The following WNT3 variants were observed in gnomAD, a reference collection of about 807,000 sequenced individuals.
WNT3 encodes proto-oncogene Wnt-3.
Under a neutral mutation model 34.2 loss-of-function variants are expected in WNT3, and 7 were observed. The observed-to-expected ratio is 0.20, with a 90% CI of 0.12 to 0.38. The LOEUF (loss-of-function observed/expected upper bound fraction) is 0.38, where lower values mean the gene tolerates loss of function less well. Ranked by LOEUF, WNT3 falls within the 10% of genes least tolerant of loss-of-function variation. WNT3 has a pLI of 1.00. For synonymous variants in WNT3, 212 were observed against 211.5 expected, an observed-to-expected ratio of 1.00 and a Z score of -0.02; for missense variants, 267 against 499.8, an observed-to-expected ratio of 0.53 and a Z score of 4.44.
intron 1 of WNT3, among the ~76,000 whole-genome samples, chr17:46,812,529 CT>C (rs1007071301): frequency 6.6e-6 from 1 of 152,218 alleles, no homozygotes; most frequent in Non-Finnish European, 1.5e-5. Context: ...GCCCAGCCCC[CT>C]GGCTCTAGGT....
At chr17:46,772,934 G>T (rs1431104690) in intron 2 of WNT3, among the ~76,000 whole-genome samples, 1 of 152,160 alleles carries the variant, frequency 6.6e-6, no homozygotes, top group African/African-American at 2.4e-5. Context: ...GGCCAGGATC[G>T]TTAAATTCCT....
At chr17:46,807,348 G>T (rs1332866545) in intron 1 of WNT3, among the ~76,000 whole-genome samples, 1 of 152,200 alleles carries the variant, frequency 6.6e-6, no homozygotes, top group South Asian at 2.1e-4. Context: ...TGGGTGTGGT[G>T]GCGCATGCCT....
chr17:46,804,232 T>G (rs977081708), intron 1 of WNT3, among the ~76,000 whole-genome samples: 1 of 151,784 alleles, frequency 6.6e-6, no homozygotes, highest in African/African-American at 2.4e-5. Flanking sequence ...GGACTACAGG[T>G]GCGTGCCACC....
At chr17:46,780,054 G>T (rs1338605615) in intron 1 of WNT3, among the ~76,000 whole-genome samples, 2 of 152,182 alleles carry the variant, frequency 1.3e-5, no homozygotes, top group Non-Finnish European at 2.9e-5. Flanking sequence ...ACCATGCCTG[G>T]CCATAGAGAA....
At chr17:46,787,365 G>A (rs916455250) in intron 1 of WNT3, among the ~76,000 whole-genome samples, 2 of 152,184 alleles carry the variant, frequency 1.3e-5, no homozygotes, top group African/African-American at 2.4e-5. Flanking sequence ...AAATGGCCAC[G>A]CATGTTAGTG....
chr17:46,817,033 G>T (rs114725921), intron 1 of WNT3, among the ~76,000 whole-genome samples: 2 of 152,188 alleles, frequency 1.3e-5, no homozygotes, highest in African/African-American at 4.8e-5. Flanking sequence ...AAAAGTGTGG[G>T]TTGGGCAGAA....
intron 1 of WNT3, among the ~76,000 whole-genome samples, chr17:46,774,657 C>A (rs2059400358): frequency 6.6e-6 from 1 of 152,262 alleles, no homozygotes; most frequent in Non-Finnish European, 1.5e-5. Context: ...TCAATTCACT[C>A]CATTCCTCTG....
At chr17:46,786,648 G>C (rs1303133135) in intron 1 of WNT3, among the ~76,000 whole-genome samples, 1 of 152,222 alleles carries the variant, frequency 6.6e-6, no homozygotes, top group African/African-American at 2.4e-5. Context: ...GATGCCCTGT[G>C]CGTGCTCAGG....
At chr17:46,769,366 T>G (rs916051127) in intron 3 of WNT3, among the ~76,000 whole-genome samples, 23 of 151,282 alleles carry the variant, frequency 1.5e-4, no homozygotes, top group Admixed American at 1.4e-3. Flanking sequence ...AGGAGTTATC[T>G]CCATTTAACA....
intron 1 of WNT3, among the ~76,000 whole-genome samples, chr17:46,800,159 G>A (rs1449206510): frequency 6.6e-6 from 1 of 152,202 alleles, no homozygotes; most frequent in East Asian, 1.9e-4. Flanking sequence ...CACCCAGGCT[G>A]GAGTGCAGTG....
chr17:46,788,663 GT>G (rs961757767), intron 1 of WNT3, among the ~76,000 whole-genome samples: 8 of 152,210 alleles, frequency 5.3e-5, no homozygotes, highest in Non-Finnish European at 7.3e-5. Context: ...TTGATGGTGA[GT>G]TTTTTGAGAG....
At chr17:46,797,564 A>G (rs1473631590) in intron 1 of WNT3, among the ~76,000 whole-genome samples, 2 of 152,242 alleles carry the variant, frequency 1.3e-5, no homozygotes, top group Admixed American at 1.3e-4. Flanking sequence ...AGATGGGCAC[A>G]ACCTCTTTGG....
intron 1 of WNT3, among the ~76,000 whole-genome samples, chr17:46,800,407 G>A (rs116216024): frequency 0.011 from 1,619 of 152,270 alleles, 24 homozygotes; most frequent in African/African-American, 0.038. Context: ...CACCATGCCT[G>A]GCCTGATAAC....
At chr17:46,785,627 G>C (rs1851824028) in intron 1 of WNT3, among the ~76,000 whole-genome samples, 1 of 152,230 alleles carries the variant, frequency 6.6e-6, no homozygotes, top group Non-Finnish European at 1.5e-5. Flanking sequence ...GGCCACGAGG[G>C]GCCTTCCGAG....
At chr17:46,779,242 C>T (rs2059440446) in intron 1 of WNT3, among the ~76,000 whole-genome samples, 1 of 152,220 alleles carries the variant, frequency 6.6e-6, no homozygotes, top group Non-Finnish European at 1.5e-5. Flanking sequence ...GGAGCTTCCG[C>T]CTACACACAG....
chr17:46,805,688 C>T (rs894971446), intron 1 of WNT3, among the ~76,000 whole-genome samples: 2 of 152,184 alleles, frequency 1.3e-5, no homozygotes, highest in African/African-American at 4.8e-5. Context: ...GAGATTGAGG[C>T]TACAGTGGGC....
intron 1 of WNT3, among the ~76,000 whole-genome samples, chr17:46,804,837 A>G (rs1284521694): frequency 2.0e-5 from 3 of 152,142 alleles, no homozygotes; most frequent in African/African-American, 7.2e-5. Flanking sequence ...TGTAAAATGG[A>G]CCAATCAGCA....
chr17:46,766,043 C>T (rs1460144673), intron 4 of WNT3, among the ~76,000 whole-genome samples: 2 of 152,026 alleles, frequency 1.3e-5, no homozygotes, highest in Non-Finnish European at 2.9e-5. Context: ...CTATGTAGCA[C>T]TTTACATAAG....
intron 1 of WNT3, among the ~76,000 whole-genome samples, chr17:46,775,803 C>CG (rs546273350): frequency 6.6e-6 from 1 of 151,300 alleles, no homozygotes; most frequent in African/African-American, 2.4e-5. Context: ...TTAGTAGAGA[C>CG]GGGGTTTCAC....
Sources: allele counts gnomAD v4.1 joint callset (sites outside exome capture counted in the v4.1 genomes callset), GRCh38; gene constraint gnomAD v4.1.1; transcripts MANE v1.5; gene names NCBI Gene and HGNC (gene_info 2026-07-23, HGNC 2026-07-21).